BCAR1: variants seen among roughly 807,000 people sequenced by gnomAD.
The protein encoded by BCAR1 is breast cancer anti-estrogen resistance protein 1.
BCAR1 carries 30 observed loss-of-function variants against 67.6 expected under a neutral mutation model. The ratio of observed to expected loss-of-function variants is 0.44; its 90% CI spans 0.33 to 0.60. BCAR1 has a LOEUF of 0.60. Ranked by LOEUF, BCAR1 falls within the 20% of genes least tolerant of loss-of-function variation. The pLI is 0.02. For synonymous variants in BCAR1, 626 were observed against 556.7 expected (o/e 1.12, Z -1.75); for missense variants, 1,313 against 1,222.3 (o/e 1.07, Z -1.11).
Position 75,247,986 on chromosome 16 carries a change from G to A in BCAR1, c.12+3485C>T, listed in dbSNP as rs2077569341. 5.2e-5 allele frequency: 49 copies of A among 934,430 alleles called. 1 individual carries two copies. In the East Asian group the frequency reaches 1.1e-3, roughly 22 times the overall value. 57.9% of individuals were successfully genotyped at this position (934,430 alleles called of 1,614,324 possible). On this transcript the variant is annotated intron_variant, in intron 1 of 6. Coordinates refer to ENST00000162330, the MANE Select transcript of BCAR1 (RefSeq NM_014567.5). Reference sequence around the variant, plus strand: ...ACAGCACAGTTCCTCCCTGCGGGAGGCAGAGCTCTTTCCCACACAGCCACC... The same window carrying A: ...ACAGCACAGTTCCTCCCTGCGGGAGACAGAGCTCTTTCCCACACAGCCACC...
At chr16:75,243,209 T>G (rs1245870287) in intron 1 of BCAR1, 119 bp from the exon 2 acceptor site, 1 of 1,110,844 alleles carries the variant, frequency 9.0e-7, no homozygotes, top group Non-Finnish European at 1.3e-6. Context: ...AAGAACTCAG[T>G]GGAGTTTGGC....
In BCAR1 at chr16:75,236,146, A is replaced by C. The variant is rs2077125774; in HGVS notation, c.913-160T>G. On this transcript the variant is annotated intron_variant, in intron 4 of 6. Transcript: ENST00000162330. ...CAGGCACACATACAAATGCAGAGGC[A>C]CGCACACAGGCACACACACGCGCAC... The C allele has an allele frequency of 8.0e-6, 7 of 880,326 alleles. No homozygotes were observed. In the South Asian group the frequency reaches 1.2e-4, roughly 16 times the overall value. 54.5% of individuals were successfully genotyped at this position (880,326 alleles called of 1,614,324 possible).
chr16:75,264,260 A>G, intron 1 of BCAR1: 3 of 1,367,642 alleles, frequency 2.2e-6, no homozygotes, highest in Non-Finnish European at 1.9e-6. Context: ...GGACAACCAA[A>G]CCAAATCAAA....
chr16:75,234,303 T>C lies in BCAR1; in HGVS notation c.2011-368A>G, dbSNP rs995541721. ...CTAGGAAGCAACCCTGGCAGCCCCT[T>C]TCACCGCCTGCCAGCTCAGGAAGAG... is the stretch of plus-strand genomic sequence containing the variant. On this transcript the variant is annotated intron_variant, in intron 5 of 6. Transcript: ENST00000162330. 2.6e-5 allele frequency among the ~76,000 whole-genome samples: 4 copies of C among 151,894 alleles called. No individual in the cohort carries two copies. In the East Asian group the frequency reaches 7.7e-4, roughly 29 times the overall value.
rs772511883 is a variant in BCAR1 at position 75,245,220 on chromosome 16, C to T, written c.13-2130G>A. Among the ~76,000 whole-genome samples the T allele has an allele frequency of 6.6e-4, 100 of 152,332 alleles. 1 individual carries two copies. The highest frequency in any genetic ancestry group is 3.3e-3 in the Admixed American group (50 of 15,312). The stretch of plus-strand genomic sequence containing the variant: ...CCTGCCTCTGGGAATCACAGCCCAT[C>T]GGGGGCGGGCCACCCTTCCCCAGTG... On this transcript the variant is annotated intron_variant, in intron 1 of 6. Coordinates refer to ENST00000162330, the MANE Select transcript of BCAR1 (RefSeq NM_014567.5).
At chr16:75,266,754 G>C in intron 1 of BCAR1, 2 of 1,460,044 alleles carry the variant, frequency 1.4e-6, no homozygotes, top group Non-Finnish European at 1.8e-6. Flanking sequence ...CCTCTGTTCT[G>C]CTTCCTGGGG....
At chr16:75,266,129 C>T (rs1369451664) in intron 1 of BCAR1, 10 of 737,794 alleles carry the variant, frequency 1.4e-5, no homozygotes, top group Non-Finnish European at 1.7e-5. Flanking sequence ...CTCCTCCGCT[C>T]CTCGCCGATC....
chr16:75,250,543 C>T, intron 1 of BCAR1: 1 of 763,184 alleles, frequency 1.3e-6, no homozygotes, highest in Non-Finnish European at 1.6e-6. Context: ...CAGGAGGGAA[C>T]GGGAGCCTTG....
intron 2 of BCAR1, among the ~76,000 whole-genome samples, chr16:75,239,736 G>C (rs1362216999): frequency 6.6e-6 from 1 of 152,170 alleles, no homozygotes; most frequent in African/African-American, 2.4e-5. Flanking sequence ...ACCCGACCTG[G>C]GTCATGGTGG....
upstream of BCAR1, chr16:75,256,362 G>C (rs2077775363): frequency 6.6e-6 from 1 of 151,220 alleles, no homozygotes; most frequent in Admixed American, 6.6e-5. Context: ...GGCTCTGACT[G>C]TGGGAAGGTG....
chr16:75,263,686 G>C, intron 1 of BCAR1: 4 of 985,376 alleles, frequency 4.1e-6, no homozygotes, highest in Non-Finnish European at 4.8e-6. Context: ...ATTTCTGTGG[G>C]CCAAAGTGCC....
intron 2 of BCAR1, chr16:75,238,933 G>C (rs1262266497): frequency 1.0e-6 from 1 of 985,290 alleles, no homozygotes; most frequent in Non-Finnish European, 1.2e-6. Context: ...CCAGGACCCA[G>C]CACCAGCAGG....
intron 1 of BCAR1, chr16:75,248,918 T>C (rs2151456428): frequency 6.6e-6 from 1 of 152,508 alleles, no homozygotes; most frequent in Middle Eastern, 3.4e-3. Context: ...TGGCCTTGGC[T>C]GCAGCACCAC....
At position 75,235,768 on chromosome 16, in the gene BCAR1, G is replaced by T. The variant is rs759775686; in HGVS notation, c.1131C>A (p.Gly377=). Residue 377 remains glycine, a synonymous_variant, in exon 5 of 7, where the codon GGC becomes GGA. Transcript: ENST00000162330. ...GGGTGCCCGGGCCAGGCCGCCGCAA[G>T]CCAGGGGGCACGTCGTAGAGGTCAG... ...PAPDLYDVPP[G]LRRPGPGTLY... is the part of the protein sequence containing the mutation. The T allele has an allele frequency of 6.3e-7, 1 of 1,593,610 alleles. No homozygotes were observed. The highest frequency in any genetic ancestry group is 1.3e-5 in the African/African-American group (1 of 74,728).
chr16:75,243,336 C>T lies in BCAR1; in HGVS notation c.13-246G>A, dbSNP rs554359992. The T allele has an allele frequency of 3.3e-5, 21 of 638,270 alleles. No homozygotes were observed. In the East Asian group the frequency reaches 6.1e-4, roughly 19 times the overall value. 39.5% of individuals were successfully genotyped at this position (638,270 alleles called of 1,614,324 possible). On this transcript the variant is annotated intron_variant, in intron 1 of 6. Coordinates refer to ENST00000162330, the MANE Select transcript of BCAR1 (RefSeq NM_014567.5). Reference sequence around the variant, plus strand: ...TAGCACCTCAAAATCCTCTTGACCACTGTCACCACCAAAACTCCAGGGATG... The same window carrying T: ...TAGCACCTCAAAATCCTCTTGACCATTGTCACCACCAAAACTCCAGGGATG...
rs753861688 is a variant in BCAR1 at position 75,242,470 on chromosome 16, C to T, written c.633G>A (p.Lys211=). 6.9e-7 allele frequency: 1 copy of T among 1,452,902 alleles called. No individual in the cohort carries two copies. The highest frequency in any genetic ancestry group is 9.1e-7 in the Non-Finnish European group (1 of 1,103,352). The allele number at this position is 1,452,902 out of a possible 1,614,324, so 90.0% of individuals were successfully genotyped here. The stretch of plus-strand genomic sequence containing the variant: ...CACAACTGTGCCAGGACAGCCTTAC[C>T]TTTGCCGGGGGCTTCGTGCCCTCCC... The part of the protein sequence containing the change: ...RSWEGTKPPA[K]VVVPTRVGQG... Residue 211 remains lysine, a splice_region_variant and synonymous_variant, in exon 2 of 7, where the codon AAG becomes AAA. Transcript: ENST00000162330.
chr16:75,245,961 GTTCTTTT>G (rs1300770738), intron 1 of BCAR1: 444 of 26,996 alleles, frequency 0.016, 4 homozygotes, highest in African/African-American at 0.04. Flanking sequence ...TCATAGGATT[GTTCTTTT>G]TTTTTTTTTT....
rs751103019 is a variant in BCAR1 at position 75,229,277 on chromosome 16, G to A, written c.*234C>T. 1.3e-5 allele frequency: 8 copies of A among 615,002 alleles called. No individual in the cohort carries two copies. Among genetic ancestry groups the A allele is most frequent in the Non-Finnish European group, 1.3e-5 (5 of 384,816 alleles). 38.1% of individuals were successfully genotyped at this position (615,002 alleles called of 1,614,324 possible). ...TCTGGTGACCCAACCCGGGCCCGTG[G>A]TGCATGCTGGGGAAGGCCACTGGCC... On this transcript the variant is annotated 3_prime_UTR_variant, in exon 7 of 7. Coordinates refer to ENST00000162330, the MANE Select transcript of BCAR1 (RefSeq NM_014567.5).
At chr16:75,250,188 ACTGCC>A (rs981894961) in intron 1 of BCAR1, 3 of 153,106 alleles carry the variant, frequency 2.0e-5, no homozygotes, top group African/African-American at 4.8e-5. Context: ...AGAACCTGGG[ACTGCC>A]CTGCCCTGCC....
Sources: gnomAD v4.1 joint callset for allele counts (sites outside exome capture counted in the v4.1 genomes callset) on GRCh38, gnomAD v4.1.1 for gene constraint, MANE v1.5 for transcripts, NCBI Gene and HGNC (gene_info 2026-07-23, HGNC 2026-07-21) for gene names.